MSRA: variants seen among roughly 807,000 people sequenced by gnomAD.
The protein encoded by MSRA is mitochondrial peptide methionine sulfoxide reductase.
A neutral mutation model predicts 31.3 loss-of-function variants in MSRA; 54 were observed. The observed-to-expected ratio is 1.73, with a 90% CI of 1.39 to 2.17. The LOEUF is 2.17. Among genes scored for constraint, MSRA ranks in the 30% most tolerant of loss-of-function variants. The pLI, the probability that MSRA is intolerant of heterozygous loss-of-function variation, is 0.00. For missense variants in MSRA, 507 were observed against 300.9 expected, an observed-to-expected ratio of 1.69 and a Z score of -5.07; for synonymous variants, 169 against 116.5, an observed-to-expected ratio of 1.45 and a Z score of -2.90.
At chr8:10,396,711 T>C (rs148661063) in intron 5 of MSRA, among the ~76,000 whole-genome samples, 44 of 152,354 alleles carry the variant, frequency 2.9e-4, no homozygotes, top group African/African-American at 9.9e-4. Flanking sequence ...ATGTTTCCAC[T>C]TCCTTCTCTT....
intron 5 of MSRA, among the ~76,000 whole-genome samples, chr8:10,322,456 A>G (rs1376550432): frequency 6.6e-6 from 1 of 152,172 alleles, no homozygotes; most frequent in Non-Finnish European, 1.5e-5. Flanking sequence ...AATAAGAGGG[A>G]CAGGTCCAGG....
chr8:10,273,711 A>C (rs958932962), intron 3 of MSRA, among the ~76,000 whole-genome samples: 2 of 152,164 alleles, frequency 1.3e-5, no homozygotes, highest in African/African-American at 2.4e-5. Flanking sequence ...TGCTATGTTT[A>C]TGTTATGTTA....
At chr8:10,121,718 T>G (rs1391206965) in intron 1 of MSRA, among the ~76,000 whole-genome samples, 1 of 152,044 alleles carries the variant, frequency 6.6e-6, no homozygotes, top group Non-Finnish European at 1.5e-5. Context: ...TTGCCTAGGC[T>G]GGCATGCAGC....
At chr8:10,344,453 A>G (rs985522997) in intron 5 of MSRA, among the ~76,000 whole-genome samples, 1 of 151,970 alleles carries the variant, frequency 6.6e-6, no homozygotes, top group African/African-American at 2.4e-5. Context: ...GGGCTCCTGA[A>G]GTCCCAGCTA....
intron 1 of MSRA, among the ~76,000 whole-genome samples, chr8:10,055,431 C>T (rs913050090): frequency 2.6e-5 from 4 of 152,238 alleles, no homozygotes; most frequent in African/African-American, 7.2e-5. Context: ...GCACGCGTTT[C>T]CCAGAACGAG....
chr8:10,371,216 G>C (rs1386702691), intron 5 of MSRA, among the ~76,000 whole-genome samples: 2 of 152,126 alleles, frequency 1.3e-5, no homozygotes, highest in Non-Finnish European at 2.9e-5. Flanking sequence ...GTACCAACAG[G>C]CATTTGAAAG....
At chr8:10,179,086 T>G (rs1201155709) in intron 1 of MSRA, among the ~76,000 whole-genome samples, 1 of 152,166 alleles carries the variant, frequency 6.6e-6, no homozygotes, top group African/African-American at 2.4e-5. Flanking sequence ...CAGAGTTCAG[T>G]TCACTGATGA....
chr8:10,192,865 T>C (rs1275697610), intron 1 of MSRA, among the ~76,000 whole-genome samples: 1 of 101,486 alleles, frequency 9.9e-6, no homozygotes, highest in African/African-American at 6.0e-5. Context: ...AACAGCATGT[T>C]CATGGAAAAT....
intron 1 of MSRA, among the ~76,000 whole-genome samples, chr8:10,117,914 G>T (rs1800803466): frequency 6.6e-6 from 1 of 152,096 alleles, no homozygotes; most frequent in South Asian, 2.1e-4. Flanking sequence ...CAACACAAAT[G>T]TAACCTTTCA....
At chr8:10,361,018 C>T (rs1258912227) in intron 5 of MSRA, among the ~76,000 whole-genome samples, 4 of 152,160 alleles carry the variant, frequency 2.6e-5, no homozygotes, top group Non-Finnish European at 4.4e-5. Flanking sequence ...GTTTTCAACC[C>T]GATAAACAGC....
chr8:10,279,405 C>T (rs1188782638), intron 3 of MSRA, among the ~76,000 whole-genome samples: 1 of 152,156 alleles, frequency 6.6e-6, no homozygotes, highest in Non-Finnish European at 1.5e-5. Flanking sequence ...TTCCCTTTGA[C>T]AACTCAACTT....
At chr8:10,229,505 G>A (rs1175585701) in intron 2 of MSRA, among the ~76,000 whole-genome samples, 7 of 152,162 alleles carry the variant, frequency 4.6e-5, no homozygotes, top group Non-Finnish European at 7.3e-5. Context: ...AGAGATCAGG[G>A]TGACCAGAGG....
chr8:10,303,568 G>C (rs1047654276), intron 4 of MSRA, among the ~76,000 whole-genome samples: 1 of 152,200 alleles, frequency 6.6e-6, no homozygotes, highest in Non-Finnish European at 1.5e-5. Flanking sequence ...GCGTGATCCA[G>C]TCTCCCCAGC....
chr8:10,403,147 C>T (rs1387839318), intron 5 of MSRA, among the ~76,000 whole-genome samples: 4 of 152,166 alleles, frequency 2.6e-5, no homozygotes, highest in Admixed American at 2.0e-4. Context: ...ATTAAAATGT[C>T]CCAGGGCTGG....
intron 5 of MSRA, among the ~76,000 whole-genome samples, chr8:10,374,250 CT>C (rs1401575060): frequency 1.3e-5 from 2 of 152,158 alleles, no homozygotes; most frequent in Non-Finnish European, 2.9e-5. Context: ...AATTTTGAGA[CT>C]ATGGACAGAG....
At chr8:10,152,648 CA>C (rs1029137548) in intron 1 of MSRA, among the ~76,000 whole-genome samples, 31 of 151,862 alleles carry the variant, frequency 2.0e-4, no homozygotes, top group African/African-American at 7.5e-4. Context: ...TTTTTTCCCC[CA>C]AAAAATCATA....
chr8:10,168,063 A>G (rs536121209), intron 1 of MSRA, among the ~76,000 whole-genome samples: 3 of 152,114 alleles, frequency 2.0e-5, no homozygotes, highest in African/African-American at 7.2e-5. Flanking sequence ...AATCTCATCT[A>G]TGTTACTTAC....
At chr8:10,230,971 G>C (rs866278422) in intron 2 of MSRA, among the ~76,000 whole-genome samples, 4 of 152,180 alleles carry the variant, frequency 2.6e-5, no homozygotes, top group Admixed American at 6.5e-5. Context: ...TTTTAGTAGA[G>C]ATAGGGTTTC....
At chr8:10,290,841 G>T (rs775517123) in intron 3 of MSRA, among the ~76,000 whole-genome samples, 3 of 152,178 alleles carry the variant, frequency 2.0e-5, no homozygotes, top group Admixed American at 6.5e-5. Flanking sequence ...TCTCTTGGCT[G>T]CAGGGATACC....
Sources: gnomAD v4.1 joint callset for allele counts (sites outside exome capture counted in the v4.1 genomes callset) on GRCh38, gnomAD v4.1.1 for gene constraint, MANE v1.5 for transcripts, NCBI Gene and HGNC (gene_info 2026-07-23, HGNC 2026-07-21) for gene names.